Variants in DOCK8 observed in about 807,000 individuals in gnomAD.
The protein encoded by DOCK8 is dedicator of cytokinesis protein 8.
Under a neutral mutation model 245.6 loss-of-function variants are expected in DOCK8, and 141 were observed. The observed-to-expected ratio is 0.57, with a 90% CI of 0.50 to 0.66. The LOEUF (loss-of-function observed/expected upper bound fraction) is 0.66. DOCK8 is among the 30% of genes least tolerant of loss of function. The pLI is 0.00. For missense variants in DOCK8, 2,965 were observed against 2,603.4 expected (o/e 1.14, Z -3.02); for synonymous variants, 1,168 against 970.2 (o/e 1.20, Z -3.79).
At chr9:232,067 C>A (rs977540891) in intron 1 of DOCK8, among the ~76,000 whole-genome samples, 1 of 152,090 alleles carries the variant, frequency 6.6e-6, no homozygotes, top group Non-Finnish European at 1.5e-5. Flanking sequence ...TGAGATATGT[C>A]CCATCAATAC....
intron 27 of DOCK8, among the ~76,000 whole-genome samples, chr9:406,142 A>T (rs1420979478): frequency 6.6e-6 from 1 of 152,202 alleles, no homozygotes; most frequent in Non-Finnish European, 1.5e-5. Context: ...TCCCTCCCTG[A>T]CATCACTTGT....
chr9:219,094 T>G (rs550993340), intron 1 of DOCK8, among the ~76,000 whole-genome samples: 1 of 152,378 alleles, frequency 6.6e-6, no homozygotes, highest in East Asian at 1.9e-4. Flanking sequence ...AAAATAATAA[T>G]AGGTAACATT....
Position 325,727 on chromosome 9 carries a change from A to T in DOCK8, c.884A>T (p.Glu295Val), listed in dbSNP as rs1192834581. Reference sequence around the variant, plus strand: ...AGCATTGCCCTCTACGATGTTAAAGAAAGGAAAAAGGTAAGAAAGCAAAGA... The same window carrying T: ...AGCATTGCCCTCTACGATGTTAAAGTAAGGAAAAAGGTAAGAAAGCAAAGA... ...FASIALYDVK[E>V]RKKISENFHC... is the part of the protein sequence containing the mutation. Residue 295 changes from glutamate to valine, a missense_variant, in exon 8 of 48, where the codon GAA (glutamate) becomes GTA (valine). Around this residue, in one of 3 missense-constraint regions of DOCK8, gnomAD observed 2,825 missense variants for 2,453.5 expected, o/e 1.15. Coordinates refer to ENST00000432829, the MANE Select transcript of DOCK8 (RefSeq NM_203447.4). 1 of 1,613,816 alleles carries T rather than the reference A, an allele frequency of 6.2e-7. No individual in the cohort carries two copies. Among genetic ancestry groups the T allele is most frequent in the Admixed American group, 1.7e-5 (1 of 60,008 alleles).
chr9:333,366 C>T (rs980345145), intron 10 of DOCK8, among the ~76,000 whole-genome samples: 23 of 152,316 alleles, frequency 1.5e-4, no homozygotes, highest in East Asian at 1.9e-4. Context: ...CTTTGGGAGG[C>T]CAAGGCGGGC....
chr9:240,237 G>A (rs1195504846), intron 1 of DOCK8, among the ~76,000 whole-genome samples: 3 of 152,090 alleles, frequency 2.0e-5, no homozygotes, highest in Non-Finnish European at 4.4e-5. Context: ...AAACTGGCAA[G>A]GTCAATCTTT....
chr9:322,635 T>G (rs890931948), intron 7 of DOCK8, among the ~76,000 whole-genome samples: 2 of 152,244 alleles, frequency 1.3e-5, no homozygotes, highest in Non-Finnish European at 2.9e-5. Flanking sequence ...AAGTCTTTAA[T>G]AAATGTCAAT....
At chr9:258,349 G>GCCT (rs78019697) in intron 1 of DOCK8, among the ~76,000 whole-genome samples, 59,810 of 151,710 alleles carry the variant, frequency 0.39, 12,369 homozygotes, top group East Asian at 0.79. Context: ...ACAGCATGTG[G>GCCT]CCTCTAAATT....
chr9:224,293 G>A (rs946938262), intron 1 of DOCK8, among the ~76,000 whole-genome samples: 12 of 152,060 alleles, frequency 7.9e-5, no homozygotes, highest in African/African-American at 2.7e-4. Context: ...ATATACCCAC[G>A]ATTTGCATTT....
chr9:352,751 T>G (rs1419567996), intron 14 of DOCK8, among the ~76,000 whole-genome samples: 5 of 46,386 alleles, frequency 1.1e-4, no homozygotes, highest in East Asian at 6.7e-4. Flanking sequence ...AAAAAAAAAG[T>G]GCCGATACTT....
intron 14 of DOCK8, among the ~76,000 whole-genome samples, chr9:343,820 G>T: frequency 6.6e-6 from 1 of 152,222 alleles, no homozygotes; most frequent in East Asian, 1.9e-4. Flanking sequence ...AATGCTTGTG[G>T]CATTGGAAGA....
chr9:305,102 C>T (rs1164851270), intron 5 of DOCK8, among the ~76,000 whole-genome samples: 1 of 152,070 alleles, frequency 6.6e-6, no homozygotes, highest in Admixed American at 6.5e-5. Flanking sequence ...TAACTTCAAG[C>T]AGGATAATTA....
intron 43 of DOCK8, among the ~76,000 whole-genome samples, chr9:444,507 C>T (rs186111208): frequency 1.3e-5 from 2 of 152,164 alleles, no homozygotes; most frequent in African/African-American, 4.8e-5. Flanking sequence ...CTTCCTGGCT[C>T]ATCAGTGTGT....
rs115916797 is a variant in DOCK8 at position 228,952 on chromosome 9, G to C, written c.53+13923G>C. ...GCTTTCCCTCTTCACACGGTCTCTT[G>C]TTGTTCAGAAACCTAGCTGGTCTTT... On this transcript the variant is annotated intron_variant, in intron 1 of 47. Coordinates refer to ENST00000432829, the MANE Select transcript of DOCK8 (RefSeq NM_203447.4). Among the ~76,000 whole-genome samples the C allele has an allele frequency of 9.4e-3, 1,427 of 152,284 alleles. 18 individuals are homozygous for C. The highest frequency in any genetic ancestry group is 0.033 in the African/African-American group (1,354 of 41,538).
intron 1 of DOCK8, among the ~76,000 whole-genome samples, chr9:244,082 G>C (rs962123447): frequency 1.3e-5 from 2 of 151,628 alleles, no homozygotes; most frequent in African/African-American, 2.4e-5. Flanking sequence ...CAGCTACTCT[G>C]GAGGCTGAGG....
chr9:403,996 A>G lies in DOCK8; in HGVS notation c.3235-922A>G, dbSNP rs199932723. Among the ~76,000 whole-genome samples, 118 of 121,932 alleles carry G rather than the reference A, an allele frequency of 9.7e-4. 2 individuals carry two copies. Among genetic ancestry groups the G allele is most frequent in the East Asian group, 2.4e-3 (10 of 4,082 alleles). 80.0% of individuals were successfully genotyped at this position (121,932 alleles called of 152,430 possible). A position where few individuals can be genotyped will look rare whatever the true frequency, so the allele number is the denominator to read the frequency against. On this transcript the variant is annotated intron_variant, in intron 26 of 47. Coordinates refer to ENST00000432829, the MANE Select transcript of DOCK8 (RefSeq NM_203447.4). Reference sequence around the variant, plus strand: ...TATATGTGTATATATATATATGTGTATATATATATATATATAGTTTAAAAA... The same window carrying G: ...TATATGTGTATATATATATATGTGTGTATATATATATATATAGTTTAAAAA...
At chr9:231,844 C>G (rs561231566) in intron 1 of DOCK8, among the ~76,000 whole-genome samples, 1 of 152,290 alleles carries the variant, frequency 6.6e-6, no homozygotes, top group African/African-American at 2.4e-5. Flanking sequence ...CATCTGCAAA[C>G]AGGGACAATT....
rs1253128133 is a variant in DOCK8 at position 403,925 on chromosome 9, T to C, written c.3235-993T>C. On this transcript the variant is annotated intron_variant, in intron 26 of 47. Coordinates refer to ENST00000432829, the MANE Select transcript of DOCK8 (RefSeq NM_203447.4). ...ATATATATATATATATACATATATA[T>C]ATATGTGTATATATATATGTGTATA... 1.5e-3 allele frequency among the ~76,000 whole-genome samples: 119 copies of C among 78,620 alleles called. 1 individual carries two copies. The highest frequency in any genetic ancestry group is 9.1e-3 in the African/African-American group (114 of 12,500). The allele number at this position is 78,620 out of a possible 152,430, so 51.6% of individuals were successfully genotyped here. A position where few individuals can be genotyped will look rare whatever the true frequency, so the allele number is the denominator to read the frequency against.
In DOCK8 at chr9:395,812, GTAT is replaced by G. The variant is rs762964987; in HGVS notation, c.2971-968_2971-966del. On this transcript the variant is annotated intron_variant, in intron 24 of 47. Transcript: ENST00000432829. ...TAAAATTGTGGTAGGCATTGAGATA[GTAT>G]TATTCTAGTCATAATGCAGACAGTC... Among the ~76,000 whole-genome samples the G allele has an allele frequency of 7.6e-4, 116 of 152,178 alleles. 1 individual carries two copies. The highest frequency in any genetic ancestry group is 3.9e-4 in the Admixed American group (6 of 15,274).
chr9:252,552 C>T (rs967240822), intron 1 of DOCK8, among the ~76,000 whole-genome samples: 124 of 151,932 alleles, frequency 8.2e-4, no homozygotes, highest in African/African-American at 2.8e-3. Flanking sequence ...CCTGTAATCC[C>T]AGCACTTTGG....
Sources: allele counts gnomAD v4.1 joint callset (sites outside exome capture counted in the v4.1 genomes callset), GRCh38; gene constraint gnomAD v4.1.1; regional missense constraint gnomAD v4.1.1; transcripts MANE v1.5; gene names NCBI Gene and HGNC (gene_info 2026-07-23, HGNC 2026-07-21).